The following NKTR variants were observed in gnomAD, a reference collection of about 807,000 sequenced individuals.
NKTR encodes the protein natural killer cell triggering receptor.
A neutral mutation model predicts 156.3 loss-of-function variants in NKTR; 67 were observed. That is an observed-to-expected ratio of 0.43 (90% CI 0.35 to 0.53). NKTR has a LOEUF of 0.53. Among genes scored for constraint, NKTR ranks in the 20% least tolerant of loss-of-function variants. The pLI is 0.01. For synonymous variants in NKTR, 640 were observed against 596.6 expected (o/e 1.07, Z -1.06); for missense variants, 1,604 against 1,730.9 (o/e 0.93, Z 1.30).
chr3:42,601,124 G>C (rs890662189), intron 2 of NKTR, 60 bp downstream of exon 2: 9 of 1,388,486 alleles, frequency 6.5e-6, no homozygotes, highest in African/African-American at 1.5e-5. Context: ...AAGGGGAGGG[G>C]TCTACCCTCA....
chr3:42,620,962 T>C, intron 5 of NKTR: 1 of 919,418 alleles, frequency 1.1e-6, no homozygotes, highest in Non-Finnish European at 1.3e-6. Context: ...TTTTTTTGTC[T>C]TACAGTCTAG....
At chr3:42,619,392 C>G (rs1707700740) in intron 4 of NKTR, 1 of 1,198,874 alleles carries the variant, frequency 8.3e-7, no homozygotes. Flanking sequence ...TGCCAAAGTA[C>G]TGTCTGATTG....
At chr3:42,632,425 T>A in intron 8 of NKTR, 176 bp from the exon 9 acceptor site, 1 of 563,370 alleles carries the variant, frequency 1.8e-6, no homozygotes, top group Non-Finnish European at 3.1e-6. Flanking sequence ...ACAAGGGACT[T>A]ACTACCTTAC....
chr3:42,633,655 CCCAGAAGAGATTCCT>C lies in NKTR; in HGVS notation c.854_868del (p.Glu285_Pro289del), dbSNP rs765587008. ...CTAAAAGGGAAAAACCTGTGGTCCG[CCCAGAAGAGATTCCT>C]CCAGTGCCTGAGAACCGATTTTTAC... On this transcript the variant is annotated inframe_deletion, in exon 10 of 17. Transcript: ENST00000232978. 3 of 1,614,080 alleles carry C rather than the reference CCCAGAAGAGATTCCT, an allele frequency of 1.9e-6. No individual in the cohort carries two copies. In the South Asian group the frequency reaches 3.3e-5, roughly 18 times the overall value.
chr3:42,632,894 C>T lies in NKTR; in HGVS notation c.773+71C>T, dbSNP rs992299111. The T allele has an allele frequency of 2.6e-5, 35 of 1,347,718 alleles. No individual in the cohort carries two copies. In the African/African-American group the frequency reaches 4.8e-4, roughly 19 times the overall value. The allele number at this position is 1,347,718 out of a possible 1,614,324, so 83.5% of individuals were successfully genotyped here. ...TGGAATGGGAAAAGTATGTATAATT[C>T]TATAAACTCAATTTTATTACCTGTT... On this transcript the variant is annotated intron_variant, in intron 9 of 16. Transcript: ENST00000232978.
At position 42,627,269 on chromosome 3, in the gene NKTR, T is replaced by G. The variant is rs975659597; in HGVS notation, c.375-3277T>G. On this transcript the variant is annotated intron_variant, in intron 6 of 16. Coordinates refer to ENST00000232978, the MANE Select transcript of NKTR (RefSeq NM_005385.4). Reference sequence around the variant, plus strand: ...CTAAGGCTCTCTCTCTCTTTGCCTTTATCTCTTTAATTCTGTTGTTATGTG... The same window carrying G: ...CTAAGGCTCTCTCTCTCTTTGCCTTGATCTCTTTAATTCTGTTGTTATGTG... 14 of 985,250 alleles carry G rather than the reference T, an allele frequency of 1.4e-5. No individual in the cohort carries two copies. In the African/African-American group the frequency reaches 2.4e-4, roughly 17 times the overall value. The allele number at this position is 985,250 out of a possible 1,614,324, so 61.0% of individuals were successfully genotyped here.
chr3:42,620,163 G>C (rs1707778541), intron 5 of NKTR: 6 of 1,359,450 alleles, frequency 4.4e-6, no homozygotes, highest in Non-Finnish European at 5.7e-6. Context: ...TGAAGACTTG[G>C]AAAATTCTGT....
chr3:42,642,958 A>G (rs898784369), intron 14 of NKTR, among the ~76,000 whole-genome samples: 8 of 152,166 alleles, frequency 5.3e-5, no homozygotes, highest in Non-Finnish European at 1.0e-4. Context: ...AGAAGTATAT[A>G]TATGGTGGGA....
intron 5 of NKTR, chr3:42,620,259 G>A: frequency 2.4e-6 from 3 of 1,248,990 alleles, no homozygotes; most frequent in Admixed American, 4.0e-5. Context: ...CTAGTTGTGG[G>A]GTTTTTTTTC....
chr3:42,619,957 TA>T lies in NKTR; in HGVS notation c.286+250del, dbSNP rs926748672. 167 of 1,525,776 alleles carry T rather than the reference TA, an allele frequency of 1.1e-4. 1 individual carries two copies. The African/African-American group carries it at 1.9e-3, about 17-fold the overall frequency. 94.5% of individuals were successfully genotyped at this position (1,525,776 alleles called of 1,614,324 possible). ...TTTCAGCATGGAGGTTAGGCAACTA[TA>T]TACATGAAAACTCCTATCTTCCTGC... is the stretch of plus-strand genomic sequence containing the variant. On this transcript the variant is annotated intron_variant, in intron 5 of 16. Coordinates refer to ENST00000232978, the MANE Select transcript of NKTR (RefSeq NM_005385.4).
Position 42,619,014 on chromosome 3 carries a change from T to C in NKTR, c.134-6T>C, listed in dbSNP as rs1707671336. ...CTTCATTTCTTTTTTTTTTTTTTTT[T>C]TCCAGGAGAGAAAGGCCTTGGGAAA... On this transcript the variant is annotated splice_region_variant and splice_polypyrimidine_tract_variant and intron_variant, in intron 3 of 16. Coordinates refer to ENST00000232978, the MANE Select transcript of NKTR (RefSeq NM_005385.4). 6.4e-7 allele frequency: 1 copy of C among 1,562,496 alleles called. No individual in the cohort carries two copies. The highest frequency in any genetic ancestry group is 2.3e-5 in the East Asian group (1 of 44,172).
intron 2 of NKTR, among the ~76,000 whole-genome samples, chr3:42,609,234 CAG>C (rs34614088): frequency 0.11 from 16,769 of 151,986 alleles, 1,025 homozygotes; most frequent in South Asian, 0.15. Context: ...AAACTGGGGA[CAG>C]AGGTCAAATG....
Position 42,635,374 on chromosome 3 carries a change from C to G in NKTR, c.1163+8C>G, listed in dbSNP as rs370329851. 15 of 1,600,988 alleles carry G rather than the reference C, an allele frequency of 9.4e-6. No homozygotes were observed. The highest frequency in any genetic ancestry group is 1.3e-5 in the Non-Finnish European group (15 of 1,172,872). ...ATGGAGTAAAGGAGATAAGTAAGAA[C>G]TTTGAGTATAAGCACAATCCTGTGT... On this transcript the variant is annotated splice_region_variant and intron_variant, in intron 12 of 16. Coordinates refer to ENST00000232978, the MANE Select transcript of NKTR (RefSeq NM_005385.4).
intron 16 of NKTR, among the ~76,000 whole-genome samples, chr3:42,644,737 G>C (rs1056833677): frequency 6.6e-6 from 1 of 151,996 alleles, no homozygotes; most frequent in African/African-American, 2.4e-5. Flanking sequence ...GGAGACACAC[G>C]TGTCCTCTTC....
At chr3:42,631,705 G>A (rs1282427156) in intron 8 of NKTR, among the ~76,000 whole-genome samples, 1 of 152,090 alleles carries the variant, frequency 6.6e-6, no homozygotes, top group African/African-American at 2.4e-5. Context: ...TTCATGTCAC[G>A]CCTGCACAGA....
chr3:42,629,927 G>T (rs1471654982), intron 6 of NKTR: 4 of 985,414 alleles, frequency 4.1e-6, no homozygotes, highest in Non-Finnish European at 4.8e-6. Flanking sequence ...TGTCAGAAGG[G>T]ATGGCAGATT....
At position 42,619,655 on chromosome 3, in the gene NKTR, T is replaced by C. The variant is rs1005558080; in HGVS notation, c.242-9T>C. 2 of 1,605,084 alleles carry C rather than the reference T, an allele frequency of 1.2e-6. No individual in the cohort carries two copies. The highest frequency in any genetic ancestry group is 1.7e-6 in the Non-Finnish European group (2 of 1,172,868). On this transcript the variant is annotated splice_polypyrimidine_tract_variant and intron_variant, in intron 4 of 16. Transcript: ENST00000232978. Reference sequence around the variant, plus strand: ...TTCATTATGGCTTAAAGTAGGTGATTATTTGCAGGTAATGGAAAAGGTGGA... The same window carrying C: ...TTCATTATGGCTTAAAGTAGGTGATCATTTGCAGGTAATGGAAAAGGTGGA...
chr3:42,631,053 A>G, intron 7 of NKTR, 118 bp from the exon 8 acceptor site: 2 of 1,457,410 alleles, frequency 1.4e-6, no homozygotes, highest in South Asian at 1.5e-5. Flanking sequence ...TCATACAACA[A>G]ACAGTTTGGT....
intron 9 of NKTR, chr3:42,633,374 C>G: frequency 7.4e-7 from 1 of 1,348,922 alleles, no homozygotes; most frequent in South Asian, 1.8e-5. Flanking sequence ...AAGTTAGGAT[C>G]ATTTAACAAT....
Sources: allele counts gnomAD v4.1 joint callset (sites outside exome capture counted in the v4.1 genomes callset), GRCh38; gene constraint gnomAD v4.1.1; transcripts MANE v1.5; gene names NCBI Gene and HGNC (gene_info 2026-07-23, HGNC 2026-07-21).